Variants in ZNF362 observed in about 807,000 individuals in gnomAD.
ZNF362 encodes rotund homolog.
Under a neutral mutation model 42.9 loss-of-function variants are expected in ZNF362, and 11 were observed. The observed-to-expected ratio is 0.26, with a 90% CI of 0.16 to 0.42. The LOEUF is 0.42. Ranked by LOEUF, ZNF362 falls within the 20% of genes least tolerant of loss-of-function variation. The pLI is 1.00. For missense variants in ZNF362, 362 were observed against 576.2 expected (o/e 0.63, Z 3.81); for synonymous variants, 255 against 257.3 (o/e 0.99, Z 0.09).
At chr1:33,184,130 AG>A in the ZNF362 span, among the ~76,000 whole-genome samples, 1 of 151,824 alleles carries the variant, frequency 6.6e-6, no homozygotes, top group Non-Finnish European at 1.5e-5. Flanking sequence ...GGTCTTTGTG[AG>A]GAGGTGGAAT....
chr1:33,255,534 A>T (rs1210138749), upstream of ZNF362, among the ~76,000 whole-genome samples: 1 of 151,738 alleles, frequency 6.6e-6, no homozygotes, highest in East Asian at 1.9e-4. Flanking sequence ...ACAGCTCGGG[A>T]GGCCGAATCA....
the ZNF362 span, among the ~76,000 whole-genome samples, chr1:33,159,153 A>G: frequency 6.6e-6 from 1 of 152,014 alleles, no homozygotes; most frequent in African/African-American, 2.4e-5. The surrounding 1 kb of genome is among the most constrained non-coding windows in gnomAD (Gnocchi z 4.2). Context: ...CAGGAGCCTC[A>G]GTTTCTACAT....
chr1:33,263,112 G>C (rs980777788), intron 1 of ZNF362, among the ~76,000 whole-genome samples: 1 of 152,236 alleles, frequency 6.6e-6, no homozygotes, highest in Non-Finnish European at 1.5e-5. Context: ...GATGAGTCTT[G>C]CATGCACATG....
chr1:33,139,152 C>T, the ZNF362 span, among the ~76,000 whole-genome samples: 1 of 152,122 alleles, frequency 6.6e-6, no homozygotes, highest in Non-Finnish European at 1.5e-5. Flanking sequence ...AAATAACTTT[C>T]CTAGTCTCTG....
the ZNF362 span, among the ~76,000 whole-genome samples, chr1:33,150,942 T>C: frequency 6.6e-6 from 1 of 152,032 alleles, no homozygotes; most frequent in Admixed American, 6.5e-5. Context: ...CTAGGCATGA[T>C]ATCTAAGGCG....
At chr1:33,201,976 G>A in the ZNF362 span, among the ~76,000 whole-genome samples, 1 of 152,206 alleles carries the variant, frequency 6.6e-6, no homozygotes, top group Non-Finnish European at 1.5e-5. Flanking sequence ...TAATAAGGGA[G>A]TACTATGAGC....
chr1:33,144,328 G>A, the ZNF362 span, among the ~76,000 whole-genome samples: 1 of 152,160 alleles, frequency 6.6e-6, no homozygotes, highest in Non-Finnish European at 1.5e-5. Flanking sequence ...AGTAGAGACG[G>A]GGTTTCTCCA....
the ZNF362 span, among the ~76,000 whole-genome samples, chr1:33,154,755 G>T: frequency 6.8e-6 from 1 of 147,240 alleles, no homozygotes; most frequent in Non-Finnish European, 1.5e-5. Context: ...CCGAGATCAC[G>T]CCACTGCACT....
chr1:33,142,569 G>C, the ZNF362 span: 2 of 152,256 alleles, frequency 1.3e-5, no homozygotes, highest in Non-Finnish European at 2.9e-5. Context: ...GGGAAGGAGA[G>C]AGACTTGCTC....
At chr1:33,275,326 C>T in intron 2 of ZNF362, 1 of 985,432 alleles carries the variant, frequency 1.0e-6, no homozygotes, top group Non-Finnish European at 1.2e-6. Flanking sequence ...TGGAACTTGC[C>T]AGAGGTGAGG....
intron 8 of ZNF362, among the ~76,000 whole-genome samples, chr1:33,296,345 T>C (rs1646124350): frequency 6.6e-6 from 1 of 152,074 alleles, no homozygotes; most frequent in Non-Finnish European, 1.5e-5. Context: ...TGCAGGGCCA[T>C]GCCGTCCTGC....
the ZNF362 span, among the ~76,000 whole-genome samples, chr1:33,149,675 G>A: frequency 6.6e-6 from 1 of 152,048 alleles, no homozygotes; most frequent in African/African-American, 2.4e-5. Context: ...GGCTGGTCTC[G>A]AACTCCTGGC....
chr1:33,253,246 G>T (rs1189151179), upstream of ZNF362, among the ~76,000 whole-genome samples: 1 of 146,220 alleles, frequency 6.8e-6, no homozygotes, highest in African/African-American at 2.6e-5. Flanking sequence ...TGGGGGGAAA[G>T]GGGGATGGGT....
rs12723104 is a variant in ZNF362, at chr1:33,294,596, T to C, written c.909-341T>C. On this transcript the variant is annotated intron_variant, in intron 6 of 8. Transcript: ENST00000539719. This position sits in a 1 kb window ranked among gnomAD's most constrained non-coding sequence, Gnocchi z 4.2. ...CTGTGCATCTGTGTTCTTTGCAATA[T>C]GTGGTCCGTAGTGTGGGGTTTTCAA... is the stretch of plus-strand genomic sequence containing the variant. Among the ~76,000 whole-genome samples, 26,600 of 152,134 alleles carry C rather than the reference T, an allele frequency of 0.17. 2,885 individuals carry two copies. Among genetic ancestry groups the C allele is most frequent in the South Asian group, 0.28 (1,360 of 4,812 alleles).
chr1:33,284,800 G>C (rs1646020440), intron 6 of ZNF362, among the ~76,000 whole-genome samples: 1 of 152,136 alleles, frequency 6.6e-6, no homozygotes. Flanking sequence ...ATCCAGTCCT[G>C]GGGAAAAATT....
At chr1:33,175,034 T>C in the ZNF362 span, among the ~76,000 whole-genome samples, 1 of 151,008 alleles carries the variant, frequency 6.6e-6, no homozygotes, top group Non-Finnish European at 1.5e-5. Flanking sequence ...TATATGTTTA[T>C]GTATATGTAT....
At chr1:33,147,437 C>T in the ZNF362 span, 11 of 1,614,064 alleles carry the variant, frequency 6.8e-6, no homozygotes, top group Non-Finnish European at 9.3e-6. The surrounding 1 kb of genome is among the most constrained non-coding windows in gnomAD (Gnocchi z 8.1). Flanking sequence ...TCGTGCATCA[C>T]GATGCAGTAG....
At chr1:33,198,066 CTTAACTACA>C in the ZNF362 span, among the ~76,000 whole-genome samples, 1 of 152,090 alleles carries the variant, frequency 6.6e-6, no homozygotes, top group African/African-American at 2.4e-5. Context: ...CTCAGAGTAA[CTTAACTACA>C]TTAAGAACAA....
In ZNF362 at chr1:33,298,985, G is replaced by C; in HGVS notation, c.1202G>C (p.Ser401Thr). 1 of 1,613,414 alleles carries C rather than the reference G, an allele frequency of 6.2e-7. No homozygotes were observed. The highest frequency in any genetic ancestry group is 8.5e-7 in the Non-Finnish European group (1 of 1,180,020). ...SKHTVVEHLV[S>T]HHSPQRTESP... ...CACACGGTGGTGGAGCACCTGGTGA[G>C]CCATCACTCGCCCCAGAGGACGGAG... Residue 401 changes from serine (S) to threonine (T), a missense_variant, in exon 9 of 9, where the codon AGC becomes ACC. Physicochemically the swap from Ser to Thr is moderately conservative, Grantham distance 58. Transcript: ENST00000539719.
Sources: gnomAD v4.1 joint callset for allele counts (sites outside exome capture counted in the v4.1 genomes callset) on GRCh38, gnomAD v4.1.1 for gene constraint, Gnocchi (gnomAD v3.1) non-coding constraint, MANE v1.5 for transcripts, NCBI Gene and HGNC (gene_info 2026-07-23, HGNC 2026-07-21) for gene names.